Variants in CADM2 observed in about 807,000 individuals in gnomAD.
CADM2 encodes immunoglobulin superfamily member 4D.
Under a neutral mutation model 49.8 loss-of-function variants are expected in CADM2, and 12 were observed. The ratio of observed to expected loss-of-function variants is 0.24; its 90% CI spans 0.15 to 0.39. CADM2 has a LOEUF of 0.39. Ranked by LOEUF, CADM2 falls within the 10% of genes least tolerant of loss-of-function variation. CADM2 has a pLI of 1.00. For missense variants in CADM2, 378 were observed against 492.3 expected (o/e 0.77, Z 2.20); for synonymous variants, 214 against 175.4 (o/e 1.22, Z -1.74).
chr3:85,032,087 A>G (rs1369299265), intron 1 of CADM2, among the ~76,000 whole-genome samples: 1 of 152,146 alleles, frequency 6.6e-6, no homozygotes, highest in Non-Finnish European at 1.5e-5. Flanking sequence ...GAGTTCCCTA[A>G]TGATAAACTG....
intron 3 of CADM2, among the ~76,000 whole-genome samples, chr3:85,856,247 A>G (rs2075313283): frequency 6.6e-6 from 1 of 152,194 alleles, no homozygotes; most frequent in African/African-American, 2.4e-5. Context: ...TACTGCATAA[A>G]TATTTTAGGT....
chr3:85,123,633 G>T (rs1428494860), intron 1 of CADM2, among the ~76,000 whole-genome samples: 1 of 152,032 alleles, frequency 6.6e-6, no homozygotes, highest in Non-Finnish European at 1.5e-5. Flanking sequence ...TCTTATAAAA[G>T]ATTTTCAGCA....
At chr3:85,382,671 TA>T (rs1297079858) in intron 1 of CADM2, among the ~76,000 whole-genome samples, 1 of 152,138 alleles carries the variant, frequency 6.6e-6, no homozygotes, top group African/African-American at 2.4e-5. Context: ...AGATCACTCT[TA>T]AAAATTAAAA....
At chr3:85,643,697 T>C (rs2064799401) in intron 1 of CADM2, among the ~76,000 whole-genome samples, 1 of 152,200 alleles carries the variant, frequency 6.6e-6, no homozygotes, top group African/African-American at 2.4e-5. Flanking sequence ...TTCTTTGTGA[T>C]ACTATAATGC....
chr3:85,209,418 G>A (rs915643612), intron 1 of CADM2, among the ~76,000 whole-genome samples: 12 of 151,906 alleles, frequency 7.9e-5, no homozygotes, highest in African/African-American at 2.4e-4. Context: ...TTGATTTCCC[G>A]AGATCAGAAA....
intron 1 of CADM2, among the ~76,000 whole-genome samples, chr3:85,083,334 AG>A (rs2037243495): frequency 6.6e-6 from 1 of 152,172 alleles, no homozygotes; most frequent in African/African-American, 2.4e-5. Flanking sequence ...CTCTGCCTTC[AG>A]GGAAATTCTG....
intron 1 of CADM2, among the ~76,000 whole-genome samples, chr3:85,619,320 A>G (rs538385058): frequency 5.9e-5 from 9 of 152,250 alleles, no homozygotes; most frequent in African/African-American, 1.7e-4. Flanking sequence ...CTTAATTAAA[A>G]AAAAGATGCA....
At chr3:85,772,876 A>C (rs1577277893) in intron 2 of CADM2, among the ~76,000 whole-genome samples, 1 of 135,278 alleles carries the variant, frequency 7.4e-6, no homozygotes. Context: ...GTCTGCTTTC[A>C]TTTCCAGTTT....
chr3:85,818,347 C>A (rs2108168158), intron 3 of CADM2, among the ~76,000 whole-genome samples: 1 of 152,232 alleles, frequency 6.6e-6, no homozygotes, highest in African/African-American at 2.4e-5. Context: ...GGCTCTCCCA[C>A]CTGCAGGGCT....
chr3:85,314,159 G>A (rs189845653), intron 1 of CADM2, among the ~76,000 whole-genome samples: 140 of 152,146 alleles, frequency 9.2e-4, no homozygotes, highest in Non-Finnish European at 1.6e-3. Flanking sequence ...AAGTGCTGGG[G>A]TTACAGGCGT....
intron 1 of CADM2, among the ~76,000 whole-genome samples, chr3:85,275,116 C>T (rs1458230926): frequency 6.6e-6 from 1 of 151,412 alleles, no homozygotes; most frequent in Admixed American, 6.6e-5. Flanking sequence ...TATCAAAAAT[C>T]TTTAGCAAAA....
At chr3:85,086,476 T>G (rs1361432254) in intron 1 of CADM2, among the ~76,000 whole-genome samples, 2 of 151,158 alleles carry the variant, frequency 1.3e-5, no homozygotes, top group Non-Finnish European at 2.9e-5. Flanking sequence ...GATTTAGATC[T>G]CCTAATGAAA....
At chr3:84,989,365 A>G (rs1237877694) in intron 1 of CADM2, among the ~76,000 whole-genome samples, 1 of 152,160 alleles carries the variant, frequency 6.6e-6, no homozygotes, top group East Asian at 1.9e-4. Context: ...TTAACATTTA[A>G]CAATATGTAG....
chr3:84,969,157 C>G (rs2031229882), intron 1 of CADM2, among the ~76,000 whole-genome samples: 1 of 151,872 alleles, frequency 6.6e-6, no homozygotes, highest in African/African-American at 2.4e-5. Flanking sequence ...ACATGTCTTC[C>G]TCTGTGTCTT....
At chr3:85,729,105 C>T (rs2067828955) in intron 2 of CADM2, among the ~76,000 whole-genome samples, 2 of 152,074 alleles carry the variant, frequency 1.3e-5, no homozygotes, top group Admixed American at 6.6e-5. Flanking sequence ...GTTTCTCAAT[C>T]CTCATATTGC....
chr3:85,206,313 T>C (rs1034677739), intron 1 of CADM2, among the ~76,000 whole-genome samples: 1 of 134,950 alleles, frequency 7.4e-6, no homozygotes, highest in Non-Finnish European at 1.6e-5. Flanking sequence ...TTTCTTTTCT[T>C]TTTTTTTTTT....
intron 1 of CADM2, among the ~76,000 whole-genome samples, chr3:85,346,384 CT>C (rs1379458994): frequency 5.3e-5 from 8 of 152,008 alleles, no homozygotes; most frequent in Non-Finnish European, 8.8e-5. Flanking sequence ...GGATGAAACA[CT>C]TTTTTTTCTT....
chr3:85,144,317 GAAC>G (rs1402020443), intron 1 of CADM2, among the ~76,000 whole-genome samples: 1 of 150,964 alleles, frequency 6.6e-6, no homozygotes, highest in Non-Finnish European at 1.5e-5. Flanking sequence ...AACATCATAA[GAAC>G]AAGATTTGTG....
intron 1 of CADM2, among the ~76,000 whole-genome samples, chr3:85,333,973 T>A (rs1052908757): frequency 4.5e-4 from 69 of 151,870 alleles, no homozygotes; most frequent in Non-Finnish European, 8.7e-4. Flanking sequence ...TAATGTTTTT[T>A]AATAAAACAA....
Sources: allele counts gnomAD v4.1 joint callset (sites outside exome capture counted in the v4.1 genomes callset), GRCh38; gene constraint gnomAD v4.1.1; transcripts MANE v1.5; gene names NCBI Gene and HGNC (gene_info 2026-07-23, HGNC 2026-07-21).